Variants in ZNF395 observed in about 807,000 individuals in gnomAD.
ZNF395 encodes the protein HD gene regulatory region-binding protein 2.
ZNF395 carries 20 observed loss-of-function variants against 57.7 expected under a neutral mutation model. The observed-to-expected ratio is 0.35, with a 90% CI of 0.24 to 0.50. The LOEUF (loss-of-function observed/expected upper bound fraction) is 0.50. ZNF395 is among the 20% of genes least tolerant of loss of function. ZNF395 has a pLI of 0.97. For synonymous variants in ZNF395, 295 were observed against 275.9 expected (o/e 1.07, Z -0.69); for missense variants, 606 against 671.2 (o/e 0.90, Z 1.07).
intron 1 of ZNF395, among the ~76,000 whole-genome samples, chr8:28,371,267 AC>A: frequency 6.6e-6 from 1 of 152,194 alleles, no homozygotes; most frequent in African/African-American, 2.4e-5. Flanking sequence ...TGCGGCCTTG[AC>A]CTCCCAGGTT....
intron 7 of ZNF395, 67 bp downstream of exon 7, chr8:28,351,428 C>A: frequency 6.7e-7 from 1 of 1,496,584 alleles, no homozygotes; most frequent in South Asian, 1.3e-5. Flanking sequence ...GGTCGGTAGC[C>A]TGTAATCAAG....
rs1222457623 is a variant in ZNF395 at position 28,349,952 on chromosome 8, C to A, written c.1326+112G>T. On this transcript the variant is annotated intron_variant, in intron 8 of 9. Transcript: ENST00000344423. ...GTTTGGGGGCTGAAAGCAAGATGGC[C>A]ACACCGACCTGTGGCCACGTGCCCC... 4.2e-6 allele frequency: 4 copies of A among 952,522 alleles called. No homozygotes were observed. In the Admixed American group the frequency reaches 1.0e-4, roughly 24 times the overall value. 59.0% of individuals were successfully genotyped at this position (952,522 alleles called of 1,614,324 possible). A position where few individuals can be genotyped will look rare whatever the true frequency, so the allele number is the denominator to read the frequency against.
intron 1 of ZNF395, among the ~76,000 whole-genome samples, chr8:28,370,065 T>C (rs1031629472): frequency 2.0e-5 from 3 of 152,184 alleles, no homozygotes; most frequent in Non-Finnish European, 4.4e-5. Context: ...GAAAAAAACA[T>C]TCAGCAATCT....
At chr8:28,380,580 T>C (rs773854566) in intron 1 of ZNF395, among the ~76,000 whole-genome samples, 4 of 152,186 alleles carry the variant, frequency 2.6e-5, no homozygotes, top group Admixed American at 2.6e-4. Flanking sequence ...TCACATAGGA[T>C]TGTTAAATTA....
At chr8:28,360,839 C>G in intron 2 of ZNF395, 46 bp downstream of exon 2, 1 of 1,601,320 alleles carries the variant, frequency 6.2e-7, no homozygotes, top group South Asian at 1.1e-5. Context: ...CCCCCTACCC[C>G]AAGACTGGCA....
At chr8:28,385,717 C>T (rs1426174273) in intron 1 of ZNF395, among the ~76,000 whole-genome samples, 7 of 148,672 alleles carry the variant, frequency 4.7e-5, no homozygotes, top group Non-Finnish European at 7.5e-5. Flanking sequence ...CGGTCCCTGT[C>T]CCTGCGAGGG....
rs1801592257 is a variant in ZNF395 at position 28,345,775 on chromosome 8, T to TTTTC, written c.*2943_*2944insGAAA. 2.6e-5 allele frequency: 4 copies of TTTTC among 151,704 alleles called. 1 individual carries two copies. The South Asian group carries it at 6.3e-4, about 24-fold the overall frequency. The allele number at this position is 151,704 out of a possible 1,614,324, so 9.4% of individuals were successfully genotyped here. On this transcript the variant is annotated 3_prime_UTR_variant, in exon 10 of 10. Coordinates refer to ENST00000344423, the MANE Select transcript of ZNF395 (RefSeq NM_018660.3). ...TATCTCCCTCTTGCTTTTTTTTTTTTTGCCCCTGGTAAAAGTCAGAACCTG... is the reference window on the plus strand; with the variant it reads ...TATCTCCCTCTTGCTTTTTTTTTTTTTTTCTGCCCCTGGTAAAAGTCAGAACCTG...
intron 1 of ZNF395, among the ~76,000 whole-genome samples, chr8:28,373,279 C>T (rs1801998601): frequency 6.6e-6 from 1 of 152,216 alleles, no homozygotes; most frequent in Admixed American, 6.5e-5. Flanking sequence ...GCCACTCCCT[C>T]CCTTGCCACA....
chr8:28,350,231 T>C, intron 7 of ZNF395, 75 bp from the exon 8 acceptor site: 1 of 1,255,214 alleles, frequency 8.0e-7, no homozygotes, highest in Non-Finnish European at 1.1e-6. Context: ...CCCCACAGCC[T>C]CATGACAGCA....
chr8:28,351,460 A>G (rs376773282), intron 7 of ZNF395, 35 bp downstream of exon 7: 3 of 1,546,664 alleles, frequency 1.9e-6, no homozygotes, highest in African/African-American at 2.7e-5. Flanking sequence ...TGAGTCAGCT[A>G]TGAGCCTGAG....
chr8:28,379,705 A>C (rs1342404597), intron 1 of ZNF395, among the ~76,000 whole-genome samples: 1 of 152,136 alleles, frequency 6.6e-6, no homozygotes, highest in African/African-American at 2.4e-5. Flanking sequence ...CACAGCGAGC[A>C]GGCACTCAAG....
chr8:28,381,187 G>A (rs1471187632), intron 1 of ZNF395, among the ~76,000 whole-genome samples: 9 of 152,050 alleles, frequency 5.9e-5, no homozygotes, highest in African/African-American at 1.2e-4. Context: ...GACTACAGGC[G>A]CCCACCACCA....
At chr8:28,349,487 G>T (rs936990294) in intron 8 of ZNF395, among the ~76,000 whole-genome samples, 1 of 152,202 alleles carries the variant, frequency 6.6e-6, no homozygotes, top group Non-Finnish European at 1.5e-5. Flanking sequence ...CTCCTGCAGG[G>T]GACTTAGACG....
chr8:28,353,957 C>T (rs1801750072), intron 4 of ZNF395, among the ~76,000 whole-genome samples: 1 of 152,202 alleles, frequency 6.6e-6, no homozygotes, highest in African/African-American at 2.4e-5. Context: ...ATCATCTAAA[C>T]CCAGGCCAGT....
chr8:28,364,786 A>T (rs1051471254), intron 1 of ZNF395, among the ~76,000 whole-genome samples: 1 of 152,162 alleles, frequency 6.6e-6, no homozygotes, highest in African/African-American at 2.4e-5. Context: ...AAGAAAAAAT[A>T]GCTCCTGATC....
At chr8:28,363,113 TGTTTTTTTTTTGTTTGG>T (rs1020952925) in intron 1 of ZNF395, among the ~76,000 whole-genome samples, 4 of 151,384 alleles carry the variant, frequency 2.6e-5, no homozygotes, top group Non-Finnish European at 4.4e-5. Flanking sequence ...CTAAATTGGT[TGTTTTTTTTTTGTTTGG>T]GTTTTTTTTT....
chr8:28,361,731 G>C (rs1204084620), intron 1 of ZNF395, among the ~76,000 whole-genome samples: 1 of 152,150 alleles, frequency 6.6e-6, no homozygotes, highest in Non-Finnish European at 1.5e-5. Context: ...CAAAGCCTGA[G>C]GACGTCTGTC....
At chr8:28,371,162 A>G (rs568496060) in intron 1 of ZNF395, among the ~76,000 whole-genome samples, 4 of 152,258 alleles carry the variant, frequency 2.6e-5, no homozygotes, top group South Asian at 2.1e-4. Context: ...TGTGAGCCCA[A>G]ATGTGTCTGA....
chr8:28,366,279 A>G (rs755597078), intron 1 of ZNF395, among the ~76,000 whole-genome samples: 1 of 152,228 alleles, frequency 6.6e-6, no homozygotes, highest in African/African-American at 2.4e-5. Context: ...TCCACCGGGT[A>G]TCACTGCAGG....
Sources: gnomAD v4.1 joint callset for allele counts (sites outside exome capture counted in the v4.1 genomes callset) on GRCh38, gnomAD v4.1.1 for gene constraint, MANE v1.5 for transcripts, NCBI Gene and HGNC (gene_info 2026-07-23, HGNC 2026-07-21) for gene names.